CLMP: variants seen among roughly 807,000 people sequenced by gnomAD.
CLMP encodes the protein CXADR like cell adhesion molecule.
In CLMP, 27 loss-of-function variants were observed where a neutral mutation model predicts 45.2. That is an observed-to-expected ratio of 0.60 (90% CI 0.44 to 0.82). CLMP has a LOEUF of 0.82. CLMP is among the 40% of genes least tolerant of loss of function. CLMP has a pLI of 0.00. For missense variants in CLMP, 403 were observed against 448.4 expected (o/e 0.90, Z 0.91); for synonymous variants, 167 against 171.4 (o/e 0.97, Z 0.20).
At chr11:123,137,530 C>T (rs899483943) in intron 1 of CLMP, among the ~76,000 whole-genome samples, 2 of 152,088 alleles carry the variant, frequency 1.3e-5, no homozygotes, top group African/African-American at 4.8e-5. Context: ...GGACCATCTG[C>T]TCACTGTTTG....
chr11:123,149,811 C>T (rs374180798), intron 1 of CLMP, among the ~76,000 whole-genome samples: 2 of 137,308 alleles, frequency 1.5e-5, no homozygotes, highest in African/African-American at 5.7e-5. Flanking sequence ...TTCTTTGTTT[C>T]TTTCTCTCTT....
intron 1 of CLMP, among the ~76,000 whole-genome samples, chr11:123,099,892 A>G (rs1866034872): frequency 6.6e-6 from 1 of 152,206 alleles, no homozygotes; most frequent in Non-Finnish European, 1.5e-5. Context: ...ATGCACAGGA[A>G]AAGGGAAATA....
At chr11:123,138,420 A>G (rs1861107219) in intron 1 of CLMP, among the ~76,000 whole-genome samples, 1 of 152,084 alleles carries the variant, frequency 6.6e-6, no homozygotes, top group African/African-American at 2.4e-5. Flanking sequence ...ATGAAACTTT[A>G]TCTTACATTT....
chr11:123,150,561 A>AAGGAAGG (rs1555084624), intron 1 of CLMP, among the ~76,000 whole-genome samples: 1 of 120,768 alleles, frequency 8.3e-6, no homozygotes, highest in African/African-American at 3.5e-5. Context: ...GGAAGGAAGG[A>AAGGAAGG]AAGGAAGGAA....
At chr11:123,085,769 G>GTTTT (rs200240564) in intron 2 of CLMP, among the ~76,000 whole-genome samples, 2 of 134,210 alleles carry the variant, frequency 1.5e-5, no homozygotes, top group Non-Finnish European at 1.6e-5. Context: ...AATTTTTTAT[G>GTTTT]TTTTTTTTTT....
intron 2 of CLMP, among the ~76,000 whole-genome samples, chr11:123,088,916 G>A (rs373923451): frequency 1.6e-4 from 24 of 152,126 alleles, no homozygotes; most frequent in South Asian, 4.2e-4. Flanking sequence ...GAGCCATGGC[G>A]CCCAGCTGCT....
chr11:123,178,329 C>T (rs572132934), intron 1 of CLMP, among the ~76,000 whole-genome samples: 1 of 152,198 alleles, frequency 6.6e-6, no homozygotes, highest in Non-Finnish European at 1.5e-5. Context: ...GTGCCATCAC[C>T]AGAAAGATGG....
At chr11:123,087,004 GC>G (rs1166627422) in intron 2 of CLMP, among the ~76,000 whole-genome samples, 1 of 152,062 alleles carries the variant, frequency 6.6e-6, no homozygotes, top group Non-Finnish European at 1.5e-5. Flanking sequence ...GACCAGCCTG[GC>G]CAACATGGTG....
intron 1 of CLMP, among the ~76,000 whole-genome samples, chr11:123,118,965 CTTTCTTTCTTTCTTTCTTTCTTTCTT>C (rs1860761049): frequency 2.4e-5 from 1 of 41,020 alleles, no homozygotes; most frequent in African/African-American, 9.9e-5. Context: ...TTCTTTCTTT[CTTTCTTTCTTTCTTTCTTTCTTTCTT>C]TCTTTCTTTC....
At chr11:123,130,349 G>A (rs1038259098) in intron 1 of CLMP, among the ~76,000 whole-genome samples, 34 of 152,142 alleles carry the variant, frequency 2.2e-4, no homozygotes, top group African/African-American at 7.0e-4. Context: ...TCCCTGGGAG[G>A]TGCTGGGAAA....
At chr11:123,125,887 TGAGCCACTGCG>T in intron 1 of CLMP, among the ~76,000 whole-genome samples, 1 of 152,086 alleles carries the variant, frequency 6.6e-6, no homozygotes, top group Non-Finnish European at 1.5e-5. Context: ...ATTACAGGCA[TGAGCCACTGCG>T]CCCAGCCCAC....
intron 1 of CLMP, among the ~76,000 whole-genome samples, chr11:123,131,803 ACG>A (rs1337662502): frequency 1.6e-4 from 24 of 151,920 alleles, no homozygotes; most frequent in African/African-American, 5.8e-4. Context: ...TTTAGTAGAG[ACG>A]TGGTTTCACC....
At position 123,127,539 on chromosome 11, in the gene CLMP, G is replaced by A. The variant is rs555218513; in HGVS notation, c.29-29587C>T. Among the ~76,000 whole-genome samples, 5 of 152,188 alleles carry A rather than the reference G, an allele frequency of 3.3e-5. No individual in the cohort carries two copies. In the South Asian group the frequency reaches 6.2e-4, roughly 19 times the overall value. On this transcript the variant is annotated intron_variant, in intron 1 of 6. Coordinates refer to ENST00000448775, the MANE Select transcript of CLMP (RefSeq NM_024769.5). Reference sequence around the variant, plus strand: ...TTTAAAAGCCAGAACTAAATCCTTCGGAGAGGAGAAATGATAGTGATTCTA... The same window carrying A: ...TTTAAAAGCCAGAACTAAATCCTTCAGAGAGGAGAAATGATAGTGATTCTA...
At position 123,070,441 on chromosome 11, in the gene CLMP, C is replaced by T. The variant is rs1865658788; in HGVS notation, c.*3033G>A. 1 of 152,108 alleles carries T rather than the reference C, an allele frequency of 6.6e-6. No homozygotes were observed. The highest frequency in any genetic ancestry group is 1.5e-5 in the Non-Finnish European group (1 of 68,022). 9.4% of individuals were successfully genotyped at this position (152,108 alleles called of 1,614,324 possible). A position where few individuals can be genotyped will look rare whatever the true frequency, so the allele number is the denominator to read the frequency against. ...TGTTTTATGTGTTTGTTGTAGACTT[C>T]CATTATGGATAGATTTCCAAAATAA... On this transcript the variant is annotated 3_prime_UTR_variant, in exon 7 of 7. Transcript: ENST00000448775.
chr11:123,108,120 C>A (rs1591461097), intron 1 of CLMP, among the ~76,000 whole-genome samples: 1 of 152,164 alleles, frequency 6.6e-6, no homozygotes, highest in Middle Eastern at 3.4e-3. Context: ...ATCAGCTCCC[C>A]CTAGCCTCCC....
At chr11:123,117,941 A>C (rs753655289) in intron 1 of CLMP, among the ~76,000 whole-genome samples, 5 of 152,216 alleles carry the variant, frequency 3.3e-5, no homozygotes, top group Non-Finnish European at 7.3e-5. Context: ...ACAGCACTAA[A>C]GAATGTGGCG....
chr11:123,097,302 A>G (rs1866002196), intron 2 of CLMP, among the ~76,000 whole-genome samples: 1 of 151,926 alleles, frequency 6.6e-6, no homozygotes, highest in South Asian at 2.1e-4. Flanking sequence ...AGTGGCTGAC[A>G]CTACAGATAT....
At position 123,095,300 on chromosome 11, in the gene CLMP, C is replaced by CT. The variant is rs11284383; in HGVS notation, c.186+2494dup. Among the ~76,000 whole-genome samples, 489 of 149,072 alleles carry CT rather than the reference C, an allele frequency of 3.3e-3. 3 individuals are homozygous for CT. Among genetic ancestry groups the CT allele is most frequent in the African/African-American group, 0.011 (430 of 40,942 alleles). On this transcript the variant is annotated intron_variant, in intron 2 of 6. Coordinates refer to ENST00000448775, the MANE Select transcript of CLMP (RefSeq NM_024769.5). The stretch of plus-strand genomic sequence containing the variant: ...CTAATGAGAAAATTATCCAGTGAAA[C>CT]TTTTTTTTTTTTGAGACAGTCTTGC...
intron 1 of CLMP, among the ~76,000 whole-genome samples, chr11:123,186,141 G>C (rs1435165932): frequency 6.6e-6 from 1 of 152,186 alleles, no homozygotes. Flanking sequence ...GCCTAGGATG[G>C]AATACCTTAC....
Sources: gnomAD v4.1 joint callset for allele counts (sites outside exome capture counted in the v4.1 genomes callset) on GRCh38, gnomAD v4.1.1 for gene constraint, MANE v1.5 for transcripts, NCBI Gene and HGNC (gene_info 2026-07-23, HGNC 2026-07-21) for gene names.